The following SYNPR variants were observed in gnomAD, a reference collection of about 807,000 sequenced individuals.
SYNPR encodes synaptoporin.
A neutral mutation model predicts 32.9 loss-of-function variants in SYNPR; 23 were observed. That is an observed-to-expected ratio of 0.70 (90% CI 0.50 to 0.99). The LOEUF (loss-of-function observed/expected upper bound fraction) is 0.99, where lower values mean the gene tolerates loss of function less well. SYNPR is among the 50% of genes least tolerant of loss of function. The probability of loss-of-function intolerance (pLI) is 0.00; values close to 1 mark genes in which losing one functional copy is unlikely to be tolerated. For synonymous variants in SYNPR, 146 were observed against 135.9 expected, an observed-to-expected ratio of 1.07 and a Z score of -0.52; for missense variants, 318 against 349.3, an observed-to-expected ratio of 0.91 and a Z score of 0.71.
chr3:63,508,586 A>T (rs1452573769), intron 3 of SYNPR, among the ~76,000 whole-genome samples: 1 of 152,120 alleles, frequency 6.6e-6, no homozygotes, highest in Non-Finnish European at 1.5e-5. Flanking sequence ...CCCTAACTCA[A>T]CCATCAGAGC....
intron 3 of SYNPR, among the ~76,000 whole-genome samples, chr3:63,540,930 A>AACACACAC (rs58295090): frequency 3.4e-4 from 42 of 122,854 alleles, no homozygotes; most frequent in African/African-American, 1.2e-3. Context: ...TCCCCCCCCC[A>AACACACAC]ACACACACAC....
chr3:63,564,215 C>T (rs1286499327), intron 4 of SYNPR, among the ~76,000 whole-genome samples: 3 of 132,990 alleles, frequency 2.3e-5, no homozygotes, highest in African/African-American at 8.8e-5. Flanking sequence ...TTTTTTGAGA[C>T]AGAGTCTTGC....
chr3:63,452,406 AT>A (rs1559503437), intron 2 of SYNPR, among the ~76,000 whole-genome samples: 2 of 152,202 alleles, frequency 1.3e-5, no homozygotes, highest in Non-Finnish European at 2.9e-5. Flanking sequence ...TTTTATGCAT[AT>A]TAATTCATTT....
intron 2 of SYNPR, among the ~76,000 whole-genome samples, chr3:63,285,961 G>A (rs945690717): frequency 2.6e-5 from 4 of 152,318 alleles, no homozygotes; most frequent in South Asian, 2.1e-4. Flanking sequence ...CGGTTATGAC[G>A]GTGATGAAAA....
intron 4 of SYNPR, among the ~76,000 whole-genome samples, chr3:63,565,551 C>A (rs1702767937): frequency 1.3e-5 from 2 of 152,120 alleles, no homozygotes. Flanking sequence ...AGGGAGGGGC[C>A]CTCATGGTCT....
intron 2 of SYNPR, among the ~76,000 whole-genome samples, chr3:63,391,415 T>C (rs192177082): frequency 6.6e-6 from 1 of 152,346 alleles, no homozygotes; most frequent in Non-Finnish European, 1.5e-5. Context: ...TGAAGGAATC[T>C]ATAATCACCA....
At chr3:63,473,430 C>A (rs759536671) in intron 2 of SYNPR, among the ~76,000 whole-genome samples, 12 of 152,110 alleles carry the variant, frequency 7.9e-5, no homozygotes, top group Admixed American at 4.6e-4. Context: ...TTTAGTTCAA[C>A]AAGCATTTAG....
upstream of SYNPR, among the ~76,000 whole-genome samples, chr3:63,226,859 T>C (rs941004094): frequency 1.3e-5 from 2 of 152,166 alleles, no homozygotes; most frequent in African/African-American, 4.8e-5. Flanking sequence ...AAGACAGGAC[T>C]TGGAATGTTA....
intron 3 of SYNPR, among the ~76,000 whole-genome samples, chr3:63,509,906 A>G (rs1056503769): frequency 2.6e-5 from 4 of 152,092 alleles, no homozygotes. Flanking sequence ...AATTATTACT[A>G]GTATGCGAGA....
intron 1 of SYNPR, among the ~76,000 whole-genome samples, chr3:63,240,345 C>T (rs1040957346): frequency 6.6e-6 from 1 of 152,104 alleles, no homozygotes. Context: ...CACTTGCCTT[C>T]ATAGACGGCA....
At chr3:63,272,335 G>A (rs1310257131) in intron 3 of SYNPR, among the ~76,000 whole-genome samples, 1 of 152,118 alleles carries the variant, frequency 6.6e-6, no homozygotes, top group Non-Finnish European at 1.5e-5. Flanking sequence ...AAATGATAGA[G>A]CCAGGATATG....
At chr3:63,375,431 C>A (rs113766957) in intron 2 of SYNPR, among the ~76,000 whole-genome samples, 1 of 151,886 alleles carries the variant, frequency 6.6e-6, no homozygotes, top group Non-Finnish European at 1.5e-5. Context: ...GGGACATGGA[C>A]GAAGCTGGAA....
At chr3:63,554,697 T>A (rs1231880117) in intron 3 of SYNPR, among the ~76,000 whole-genome samples, 1 of 151,566 alleles carries the variant, frequency 6.6e-6, no homozygotes, top group Non-Finnish European at 1.5e-5. Flanking sequence ...TTCAGGCTCT[T>A]TTTTTGGGTT....
chr3:63,589,628 CTGGGA>C (rs1703269537), intron 4 of SYNPR, among the ~76,000 whole-genome samples: 1 of 151,020 alleles, frequency 6.6e-6, no homozygotes, highest in Non-Finnish European at 1.5e-5. Context: ...GGCTTCATCC[CTGGGA>C]TGCAAGGCTG....
chr3:63,460,090 G>A (rs1367049457), intron 2 of SYNPR, among the ~76,000 whole-genome samples: 1 of 152,034 alleles, frequency 6.6e-6, no homozygotes. Flanking sequence ...TCTCCACATA[G>A]CAACCAGAGA....
intron 2 of SYNPR, among the ~76,000 whole-genome samples, chr3:63,444,101 C>T (rs986047397): frequency 3.3e-5 from 5 of 152,316 alleles, no homozygotes; most frequent in South Asian, 4.1e-4. Flanking sequence ...GCTTCTCTTT[C>T]GTCTTTCTTT....
upstream of SYNPR, among the ~76,000 whole-genome samples, chr3:63,223,495 A>G (rs1459319937): frequency 1.5e-4 from 23 of 151,880 alleles, no homozygotes; most frequent in Non-Finnish European, 3.4e-4. Flanking sequence ...GAGACATCTC[A>G]TGATTTGTGG....
At chr3:63,224,048 C>T (rs931418418), upstream of SYNPR, among the ~76,000 whole-genome samples, 2 of 152,154 alleles carry the variant, frequency 1.3e-5, no homozygotes, top group African/African-American at 4.8e-5. Flanking sequence ...GCTAGACTTG[C>T]AAATTGTTTA....
At chr3:63,245,729 GTGTGTGTGTGTA>G (rs1262850432) in intron 1 of SYNPR, among the ~76,000 whole-genome samples, 1,199 of 93,512 alleles carry the variant, frequency 0.013, 6 homozygotes, top group African/African-American at 0.027. Flanking sequence ...GTGTGTGTGT[GTGTGTGTGTGTA>G]TGTGTGTGTG....
Sources: gnomAD v4.1 joint callset for allele counts (sites outside exome capture counted in the v4.1 genomes callset) on GRCh38, gnomAD v4.1.1 for gene constraint, MANE v1.5 for transcripts, NCBI Gene and HGNC (gene_info 2026-07-23, HGNC 2026-07-21) for gene names.